RBFOX1: variants seen among roughly 807,000 people sequenced by gnomAD.
The protein encoded by RBFOX1 is RNA binding protein fox-1 homolog 1.
A neutral mutation model predicts 57.7 loss-of-function variants in RBFOX1; 8 were observed. That is an observed-to-expected ratio of 0.14 (90% CI 0.08 to 0.25). RBFOX1 has a LOEUF of 0.25. Ranked by LOEUF, RBFOX1 falls within the 10% of genes least tolerant of loss-of-function variation. The pLI is 1.00. For synonymous variants in RBFOX1, 326 were observed against 222.4 expected (o/e 1.47, Z -4.15); for missense variants, 611 against 548.5 (o/e 1.11, Z -1.14).
intron 4 of RBFOX1, among the ~76,000 whole-genome samples, chr16:7,338,124 G>C (rs892974793): frequency 1.3e-5 from 2 of 152,212 alleles, no homozygotes; most frequent in African/African-American, 4.8e-5. Context: ...GGAGTGCCAT[G>C]GTTGTTTGCT....
At chr16:7,119,871 T>A (rs188486546) in intron 4 of RBFOX1, among the ~76,000 whole-genome samples, 161 of 152,260 alleles carry the variant, frequency 1.1e-3, no homozygotes, top group African/African-American at 3.8e-3. Context: ...AAATGTGTAA[T>A]CAACACCATC....
chr16:7,039,939 C>G (rs73541054), intron 3 of RBFOX1, among the ~76,000 whole-genome samples: 7,348 of 151,996 alleles, frequency 0.048, 591 homozygotes, highest in African/African-American at 0.17. Context: ...AGAATTGGAG[C>G]TTTTGTTTTG....
chr16:6,034,006 A>G (rs958136869), intron 1 of RBFOX1, among the ~76,000 whole-genome samples: 2 of 152,132 alleles, frequency 1.3e-5, no homozygotes, highest in Non-Finnish European at 2.9e-5. Context: ...TTCTGCTGCT[A>G]TAACAAAATG....
chr16:6,122,132 C>T (rs2096554898), intron 1 of RBFOX1, among the ~76,000 whole-genome samples: 1 of 152,166 alleles, frequency 6.6e-6, no homozygotes, highest in Non-Finnish European at 1.5e-5. Flanking sequence ...TCTCGAACTC[C>T]TGGCCTCAGA....
chr16:7,148,632 T>C (rs1438055346), intron 4 of RBFOX1, among the ~76,000 whole-genome samples: 1 of 152,240 alleles, frequency 6.6e-6, no homozygotes, highest in Non-Finnish European at 1.5e-5. Flanking sequence ...GTACTTGTGA[T>C]AAATTCCAGT....
intron 1 of RBFOX1, among the ~76,000 whole-genome samples, chr16:6,082,653 C>A (rs778475848): frequency 1.3e-5 from 2 of 151,978 alleles, no homozygotes; most frequent in Non-Finnish European, 2.9e-5. Context: ...GCAATAGGGA[C>A]GGAATGATAA....
intron 4 of RBFOX1, among the ~76,000 whole-genome samples, chr16:7,500,177 C>G (rs562396010): frequency 2.9e-4 from 44 of 152,282 alleles, no homozygotes; most frequent in Admixed American, 4.6e-4. Context: ...CACAGACTCT[C>G]CAGTCTCAAG....
chr16:5,294,062 C>G (rs1206063782), intron 1 of RBFOX1, among the ~76,000 whole-genome samples: 4 of 152,084 alleles, frequency 2.6e-5, no homozygotes, highest in Non-Finnish European at 5.9e-5. Flanking sequence ...AACCCTATCT[C>G]TATCAAAAAT....
chr16:5,650,717 G>C (rs992593800), intron 3 of RBFOX1, among the ~76,000 whole-genome samples: 1 of 151,934 alleles, frequency 6.6e-6, no homozygotes, highest in African/African-American at 2.4e-5. Flanking sequence ...GTCTCTCTCT[G>C]TCTTCCCTTG....
At chr16:6,733,803 T>C (rs2069321348) in intron 3 of RBFOX1, among the ~76,000 whole-genome samples, 1 of 152,172 alleles carries the variant, frequency 6.6e-6, no homozygotes, top group Non-Finnish European at 1.5e-5. Flanking sequence ...TGGGTTCTAC[T>C]ACCATCTCTG....
chr16:6,678,270 G>A (rs1028367502), intron 3 of RBFOX1, among the ~76,000 whole-genome samples: 10 of 152,040 alleles, frequency 6.6e-5, no homozygotes, highest in Non-Finnish European at 1.2e-4. Flanking sequence ...GACTGCAGGC[G>A]TGTACCACCA....
intron 1 of RBFOX1, among the ~76,000 whole-genome samples, chr16:6,202,982 C>A (rs947234862): frequency 2.3e-4 from 35 of 152,050 alleles, no homozygotes; most frequent in African/African-American, 8.2e-4. Flanking sequence ...CACTTTGTTG[C>A]CAAGGCTGGT....
chr16:5,603,633 C>G (rs569477179), downstream of RBFOX1, among the ~76,000 whole-genome samples: 1 of 152,208 alleles, frequency 6.6e-6, no homozygotes, highest in African/African-American at 2.4e-5. Flanking sequence ...TACAGCCACA[C>G]TTTCCTTGAT....
Position 6,557,004 on chromosome 16 carries a change from T to TACATATATAC in RBFOX1, c.-63-97590_-63-97589insCACATATATA, listed in dbSNP as rs1288416643. Reference sequence around the variant, plus strand: ...ATACGTATATATACATACATATATATACATATATATACATATATATACATA... The same window carrying TACATATATAC: ...ATACGTATATATACATACATATATATACATATATACACATATATATACATATATATACATA... On this transcript the variant is annotated intron_variant, in intron 2 of 15. Coordinates refer to ENST00000550418, the MANE Select transcript of RBFOX1 (RefSeq NM_018723.4). Among the ~76,000 whole-genome samples, 6 of 136,956 alleles carry TACATATATAC rather than the reference T, an allele frequency of 4.4e-5. No individual in the cohort carries two copies. In the East Asian group the frequency reaches 1.0e-3, roughly 24 times the overall value. 89.8% of individuals were successfully genotyped at this position (136,956 alleles called of 152,430 possible).
At chr16:7,399,642 T>G (rs528410646) in intron 4 of RBFOX1, among the ~76,000 whole-genome samples, 1 of 152,292 alleles carries the variant, frequency 6.6e-6, no homozygotes, top group East Asian at 1.9e-4. Context: ...CATCTTCATA[T>G]GGCATTCCCC....
chr16:6,141,596 T>G (rs140732801), intron 1 of RBFOX1, among the ~76,000 whole-genome samples: 16 of 152,294 alleles, frequency 1.1e-4, no homozygotes, highest in African/African-American at 3.8e-4. Context: ...AATCCACCAC[T>G]AAGCTGTGTT....
intron 2 of RBFOX1, among the ~76,000 whole-genome samples, chr16:6,479,157 A>G (rs1255765409): frequency 6.6e-6 from 1 of 152,206 alleles, no homozygotes; most frequent in Non-Finnish European, 1.5e-5. Flanking sequence ...AGTCCGTTCT[A>G]ACACTGCTAT....
chr16:6,078,605 T>C (rs1449285384), intron 1 of RBFOX1, among the ~76,000 whole-genome samples: 1 of 152,188 alleles, frequency 6.6e-6, no homozygotes, highest in Admixed American at 6.5e-5. Flanking sequence ...ATCATTGGCT[T>C]CTCCTTTAGA....
At chr16:5,815,433 C>G (rs1330937245) in intron 3 of RBFOX1, among the ~76,000 whole-genome samples, 4 of 152,114 alleles carry the variant, frequency 2.6e-5, no homozygotes, top group Non-Finnish European at 4.4e-5. Context: ...ACAGGGGCAG[C>G]TCTGTTGATC....
Sources: allele counts gnomAD v4.1 joint callset (sites outside exome capture counted in the v4.1 genomes callset), GRCh38; gene constraint gnomAD v4.1.1; transcripts MANE v1.5; gene names NCBI Gene and HGNC (gene_info 2026-07-23, HGNC 2026-07-21).